The following ATP9B variants were observed in gnomAD, a reference collection of about 807,000 sequenced individuals.
The protein encoded by ATP9B is probable phospholipid-transporting ATPase IIB.
In ATP9B, 110 loss-of-function variants were observed where a neutral mutation model predicts 146.1. The ratio of observed to expected loss-of-function variants is 0.75; its 90% CI spans 0.65 to 0.88. The LOEUF (loss-of-function observed/expected upper bound fraction) is 0.88, where lower values mean the gene tolerates loss of function less well. ATP9B is among the 40% of genes least tolerant of loss of function. The pLI is 0.00. For synonymous variants in ATP9B, 604 were observed against 569.7 expected (o/e 1.06, Z -0.86); for missense variants, 1,499 against 1,496.4 (o/e 1.00, Z -0.03).
At chr18:79,181,352 G>A (rs191331729) in intron 8 of ATP9B, among the ~76,000 whole-genome samples, 1 of 151,966 alleles carries the variant, frequency 6.6e-6, no homozygotes, top group African/African-American at 2.4e-5. Flanking sequence ...GGGTTTGTTG[G>A]GCTTCTTGTA....
At chr18:79,088,067 A>C (rs897173063) in intron 1 of ATP9B, among the ~76,000 whole-genome samples, 2 of 152,198 alleles carry the variant, frequency 1.3e-5, no homozygotes, top group African/African-American at 4.8e-5. Context: ...TTAAATACTG[A>C]GGTAAAATTT....
At chr18:79,072,744 C>T (rs1313674023) in intron 1 of ATP9B, among the ~76,000 whole-genome samples, 1 of 112,256 alleles carries the variant, frequency 8.9e-6, no homozygotes, top group African/African-American at 3.1e-5. Context: ...GCGGGGGCGC[C>T]CCCCACCTCC....
intron 8 of ATP9B, among the ~76,000 whole-genome samples, chr18:79,190,918 A>G (rs922355270): frequency 3.9e-5 from 6 of 152,034 alleles, no homozygotes; most frequent in African/African-American, 1.4e-4. Flanking sequence ...ATTTACTTAG[A>G]TATTTACTAC....
chr18:79,226,440 T>C (rs1194136238), intron 11 of ATP9B, among the ~76,000 whole-genome samples: 1 of 152,242 alleles, frequency 6.6e-6, no homozygotes, highest in Non-Finnish European at 1.5e-5. Context: ...AATGTGCAGG[T>C]AGATGTCGCC....
chr18:79,081,983 A>G (rs2073314613), intron 1 of ATP9B, among the ~76,000 whole-genome samples: 2 of 152,102 alleles, frequency 1.3e-5, no homozygotes, highest in African/African-American at 4.8e-5. Flanking sequence ...GTTCTCCCGG[A>G]TAATATCCTG....
intron 26 of ATP9B, chr18:79,362,858 C>T (rs1008158517): frequency 6.6e-6 from 1 of 152,252 alleles, no homozygotes; most frequent in Non-Finnish European, 1.5e-5. Context: ...TACAGTTCTT[C>T]ATGAAATCTC....
intron 19 of ATP9B, among the ~76,000 whole-genome samples, chr18:79,340,919 G>A (rs759314687): frequency 6.6e-6 from 1 of 152,216 alleles, no homozygotes; most frequent in Non-Finnish European, 1.5e-5. Context: ...CTGACTGTGT[G>A]CCGCCTTGGC....
intron 11 of ATP9B, among the ~76,000 whole-genome samples, chr18:79,242,775 A>C (rs2095901925): frequency 6.6e-6 from 1 of 152,258 alleles, no homozygotes; most frequent in African/African-American, 2.4e-5. Context: ...TTAAGTATGA[A>C]ATGGCTCATA....
chr18:79,348,048 G>C (rs1012761905), intron 24 of ATP9B, 84 bp from the exon 25 acceptor site: 189 of 1,602,524 alleles, frequency 1.2e-4, no homozygotes, highest in Non-Finnish European at 1.4e-4. Flanking sequence ...CTGTGCTTAG[G>C]AGTTAGCGAG....
At chr18:79,265,529 A>C (rs1177701953) in intron 12 of ATP9B, among the ~76,000 whole-genome samples, 1 of 151,980 alleles carries the variant, frequency 6.6e-6, no homozygotes, top group Non-Finnish European at 1.5e-5. Context: ...CCTACTTTTT[A>C]GTGGGGTTGT....
intron 7 of ATP9B, among the ~76,000 whole-genome samples, chr18:79,167,872 C>G (rs2095000374): frequency 6.6e-6 from 1 of 151,610 alleles, no homozygotes; most frequent in Non-Finnish European, 1.5e-5. Flanking sequence ...GGACTCCCAC[C>G]ATCAACATGC....
chr18:79,193,185 C>A lies in ATP9B; in HGVS notation c.876C>A (p.Asp292Glu), dbSNP rs1387922558. The A allele has an allele frequency of 6.3e-7, 1 of 1,598,358 alleles. No homozygotes were observed. Among genetic ancestry groups the A allele is most frequent in the Non-Finnish European group, 8.6e-7 (1 of 1,167,408 alleles). ...SCTQQLPALG[D>E]LFSISAYVYA... is the part of the protein sequence containing the mutation. ...GATTCAAATGTTCTGTATTCCAGGA[C>A]CTTTTTTCTATCAGTGCTTATGTTT... The change falls in exon 9 of 30, where the codon GAC (aspartate) becomes GAA (glutamate). Residue 292 changes from aspartate to glutamate, a missense_variant and splice_region_variant. By Grantham distance (45) the Asp-to-Glu change is conservative. Transcript: ENST00000426216.
intron 26 of ATP9B, among the ~76,000 whole-genome samples, chr18:79,366,976 T>C (rs1344255610): frequency 6.6e-6 from 1 of 152,192 alleles, no homozygotes; most frequent in Non-Finnish European, 1.5e-5. Context: ...GCAGCATGAC[T>C]AGATGATAAC....
At chr18:79,288,952 T>C (rs961242616) in intron 13 of ATP9B, among the ~76,000 whole-genome samples, 1 of 152,246 alleles carries the variant, frequency 6.6e-6, no homozygotes, top group African/African-American at 2.4e-5. Context: ...CCCTACTCTC[T>C]TCTGGCTTGT....
In ATP9B at chr18:79,215,928, G is replaced by A. The variant is rs142505800; in HGVS notation, c.1107+1890G>A. On this transcript the variant is annotated intron_variant, in intron 11 of 29. Coordinates refer to ENST00000426216, the MANE Select transcript of ATP9B (RefSeq NM_198531.5). ...TGGTTTCAAACTCCTGACCTCAAGT[G>A]ATCTGCTCGCCTCAGCCTCCCAAAG... 1.7e-3 allele frequency among the ~76,000 whole-genome samples: 256 copies of A among 152,278 alleles called. 4 individuals are homozygous for A. The highest frequency in any genetic ancestry group is 5.8e-3 in the African/African-American group (240 of 41,562).
intron 18 of ATP9B, 133 bp from the exon 19 acceptor site, chr18:79,337,144 GTA>G: frequency 3.3e-6 from 4 of 1,208,842 alleles, no homozygotes; most frequent in South Asian, 1.3e-5. Context: ...GCTCTGTGGA[GTA>G]CACACACAGC....
At chr18:79,227,000 T>G (rs1385047378) in intron 11 of ATP9B, among the ~76,000 whole-genome samples, 2 of 152,166 alleles carry the variant, frequency 1.3e-5, no homozygotes, top group Non-Finnish European at 2.9e-5. Flanking sequence ...ACCTGCTGTG[T>G]GTCGGGCACC....
chr18:79,255,359 G>A (rs2096067661), intron 12 of ATP9B: 1 of 152,242 alleles, frequency 6.6e-6, no homozygotes, highest in Non-Finnish European at 1.5e-5. Flanking sequence ...TTGTTGTTCA[G>A]CCTAAGCACT....
chr18:79,116,990 T>C (rs780580626), intron 4 of ATP9B, among the ~76,000 whole-genome samples: 1 of 146,376 alleles, frequency 6.8e-6, no homozygotes, highest in Non-Finnish European at 1.5e-5. Context: ...CTAAAGAATG[T>C]CCATTATAAA....
Sources: allele counts gnomAD v4.1 joint callset (sites outside exome capture counted in the v4.1 genomes callset), GRCh38; gene constraint gnomAD v4.1.1; transcripts MANE v1.5; gene names NCBI Gene and HGNC (gene_info 2026-07-23, HGNC 2026-07-21).